Variants in E4F1 observed in about 807,000 individuals in gnomAD.
The protein encoded by E4F1 is transcription factor E4F1.
A neutral mutation model predicts 72.9 loss-of-function variants in E4F1; 30 were observed. That is an observed-to-expected ratio of 0.41 (90% confidence interval 0.31 to 0.56). The LOEUF (loss-of-function observed/expected upper bound fraction) is 0.56. Ranked by LOEUF, E4F1 falls within the 20% of genes least tolerant of loss-of-function variation. The pLI, the probability that E4F1 is intolerant of heterozygous loss-of-function variation, is 0.25. For missense variants in E4F1, 1,091 were observed against 1,117.5 expected, an observed-to-expected ratio of 0.98 and a Z score of 0.34; for synonymous variants, 542 against 478.2, an observed-to-expected ratio of 1.13 and a Z score of -1.74.
In E4F1 at chr16:2,223,721, C is replaced by G; in HGVS notation, c.108C>G (p.Ala36=). Residue 36 remains alanine, a synonymous_variant, in exon 1 of 14, where the codon GCC becomes GCG. Transcript: ENST00000301727. ...GEGAVAAVAA[A]LAPSGFLGLP... ...GTGCAGTTGCGGCGGTGGCGGCGGC[C>G]TTGGCCCCCAGCGGCTTCCTCGGCC... 1 of 1,552,654 alleles carries G rather than the reference C, an allele frequency of 6.4e-7. No homozygotes were observed. Among genetic ancestry groups the G allele is most frequent in the Non-Finnish European group, 8.6e-7 (1 of 1,160,366 alleles).
chr16:2,233,364 G>T, intron 7 of E4F1, 74 bp from the exon 8 acceptor site: 1 of 1,438,660 alleles, frequency 7.0e-7, no homozygotes, highest in Non-Finnish European at 9.2e-7. Context: ...GGCTCCTGGC[G>T]TGCGTCTGCC....
chr16:2,225,871 G>A (rs1004610908), intron 1 of E4F1, among the ~76,000 whole-genome samples: 3 of 151,776 alleles, frequency 2.0e-5, no homozygotes, highest in Admixed American at 1.3e-4. Flanking sequence ...TGAGACGGGC[G>A]GATCCCGAGG....
chr16:2,223,974 TC>T, intron 1 of E4F1: 1 of 1,505,260 alleles, frequency 6.6e-7, no homozygotes, highest in East Asian at 2.6e-5. Context: ...GCGCCTGTCA[TC>T]CCCCCTCTCT....
chr16:2,235,134 CCAGA>C lies in E4F1; in HGVS notation c.1994_1997del (p.Thr665ArgfsTer7). The C allele has an allele frequency of 6.2e-7, 1 of 1,612,234 alleles. No homozygotes were observed. Among genetic ancestry groups the C allele is most frequent in the Non-Finnish European group, 8.5e-7 (1 of 1,179,892 alleles). On this transcript the variant is annotated frameshift_variant, in exon 13 of 14. Coordinates refer to ENST00000301727, the MANE Select transcript of E4F1 (RefSeq NM_004424.5). LOFTEE classifies it high-confidence loss of function. ...AGGCCACGGAGATCATCGAGGGCAC[CCAGA>C]CAGAGGTGAGGGGTAGGGCAGGCGG... is the stretch of plus-strand genomic sequence containing the variant.
chr16:2,234,475 C>T, intron 10 of E4F1, 87 bp downstream of exon 10: 1 of 1,571,956 alleles, frequency 6.4e-7, no homozygotes. Flanking sequence ...TCCCTGCCTC[C>T]ACCATGCTCA....
In E4F1 at chr16:2,235,443, G is replaced by T; in HGVS notation, c.2226G>T (p.Gly742=). 1 of 1,612,642 alleles carries T rather than the reference G, an allele frequency of 6.2e-7. No individual in the cohort carries two copies. Among genetic ancestry groups the T allele is most frequent in the Non-Finnish European group, 8.5e-7 (1 of 1,179,914 alleles). Residue 742 remains glycine (G), a synonymous_variant, in exon 14 of 14, where the codon GGG becomes GGT. Coordinates refer to ENST00000301727, the MANE Select transcript of E4F1 (RefSeq NM_004424.5). The part of the protein sequence containing the change: ...SEGTVLAARA[G]TSGTEQATVT... ...GCACTGTGCTTGCCGCCCGGGCAGG[G>T]ACAAGTGGCACTGAACAGGCCACTG...
chr16:2,234,439 CTGGCCG>C (rs771977166), intron 10 of E4F1, 51 bp downstream of exon 10: 1 of 1,602,716 alleles, frequency 6.2e-7, no homozygotes, highest in African/African-American at 1.3e-5. Flanking sequence ...ATCCTGCTCC[CTGGCCG>C]TGGCCCAGGT....
At chr16:2,225,140 G>A (rs1234242332) in intron 1 of E4F1, among the ~76,000 whole-genome samples, 4 of 152,050 alleles carry the variant, frequency 2.6e-5, no homozygotes, top group Non-Finnish European at 4.4e-5. Context: ...TTGAGCCCAG[G>A]AGACGGAGGT....
chr16:2,226,189 C>T (rs776896563), intron 1 of E4F1, among the ~76,000 whole-genome samples: 19 of 152,202 alleles, frequency 1.2e-4, no homozygotes, highest in Admixed American at 3.9e-4. Flanking sequence ...CCATAGGATT[C>T]ATAGTCTCTG....
At chr16:2,224,649 C>T (rs1469936853) in intron 1 of E4F1, among the ~76,000 whole-genome samples, 1 of 151,726 alleles carries the variant, frequency 6.6e-6, no homozygotes, top group Non-Finnish European at 1.5e-5. Context: ...ACAAAATTAG[C>T]CGGGCGTGGT....
At position 2,234,167 on chromosome 16, in the gene E4F1, G is replaced by A. The variant is rs762673876; in HGVS notation, c.1376-4G>A. Reference sequence around the variant, plus strand: ...GCTTGGCCTGATGCTGTGTGTGGCTGCAGGGCCGAGGCCGTTCGCCTGCGC... The same window carrying A: ...GCTTGGCCTGATGCTGTGTGTGGCTACAGGGCCGAGGCCGTTCGCCTGCGC... On this transcript the variant is annotated splice_region_variant and splice_polypyrimidine_tract_variant and intron_variant, in intron 9 of 13. Coordinates refer to ENST00000301727, the MANE Select transcript of E4F1 (RefSeq NM_004424.5). 4.3e-6 allele frequency: 7 copies of A among 1,610,682 alleles called. No individual in the cohort carries two copies. In the Admixed American group the frequency reaches 5.0e-5, roughly 12 times the overall value.
chr16:2,233,336 G>T, intron 7 of E4F1, 102 bp from the exon 8 acceptor site: 1 of 1,423,928 alleles, frequency 7.0e-7, no homozygotes, highest in Non-Finnish European at 9.3e-7. Context: ...CGCCATGGGG[G>T]TCTGAGGGTT....
chr16:2,232,343 G>A lies in E4F1; in HGVS notation c.588G>A (p.Leu196=), dbSNP rs2093472429. 6 of 1,605,180 alleles carry A rather than the reference G, an allele frequency of 3.7e-6. No homozygotes were observed. The highest frequency in any genetic ancestry group is 5.1e-6 in the Non-Finnish European group (6 of 1,174,880). Residue 196 remains leucine, a synonymous_variant, in exon 4 of 14, where the codon CTG becomes CTA. Coordinates refer to ENST00000301727, the MANE Select transcript of E4F1 (RefSeq NM_004424.5). ...VNKDGRYVCA[L]CHKTFKTGSI... Reference sequence around the variant, plus strand: ...AGGATGGCCGCTATGTGTGTGCGCTGTGCCACAAGACCTTCAAGACGGTGA... The same window carrying A: ...AGGATGGCCGCTATGTGTGTGCGCTATGCCACAAGACCTTCAAGACGGTGA...
intron 5 of E4F1, 49 bp downstream of exon 5, chr16:2,232,625 G>A: frequency 6.2e-7 from 1 of 1,605,144 alleles, no homozygotes; most frequent in Non-Finnish European, 8.5e-7. Context: ...CCCGATGGTT[G>A]GCCCTGGGGT....
At chr16:2,234,804 G>A (rs961736662) in intron 11 of E4F1, 23 bp downstream of exon 11, 2 of 1,542,694 alleles carry the variant, frequency 1.3e-6, no homozygotes, top group South Asian at 1.2e-5. Flanking sequence ...GGAGGTGGGA[G>A]GGGGAGGGGA....
intron 1 of E4F1, among the ~76,000 whole-genome samples, chr16:2,227,147 C>T (rs1160493380): frequency 6.6e-6 from 1 of 151,990 alleles, no homozygotes; most frequent in East Asian, 1.9e-4. Flanking sequence ...TCAATCAATC[C>T]TCCTGAATAG....
chr16:2,231,817 G>T, intron 3 of E4F1: 1 of 265,888 alleles, frequency 3.8e-6, no homozygotes, highest in South Asian at 4.7e-5. Flanking sequence ...CAGCGAGCAG[G>T]ACAGGCGGCT....
At chr16:2,227,266 A>G (rs890440188) in intron 1 of E4F1, among the ~76,000 whole-genome samples, 3 of 151,928 alleles carry the variant, frequency 2.0e-5, no homozygotes, top group South Asian at 2.1e-4. Flanking sequence ...CTGGAGTGCA[A>G]TGGGGAGATC....
In E4F1 at chr16:2,228,192, G is replaced by C. The variant is rs971956136; in HGVS notation, c.158-180G>C. The C allele has an allele frequency of 1.1e-5, 9 of 788,072 alleles. No individual in the cohort carries two copies. In the African/African-American group the frequency reaches 1.4e-4, roughly 12 times the overall value. 48.8% of individuals were successfully genotyped at this position (788,072 alleles called of 1,614,324 possible). On this transcript the variant is annotated intron_variant, in intron 1 of 13. Transcript: ENST00000301727. ...CCCTGCAGACCTGCAGAGGATAGGG[G>C]CTGTACCTTGGGATGACCTTGTTTT...
Sources: gnomAD v4.1 joint callset for allele counts (sites outside exome capture counted in the v4.1 genomes callset) on GRCh38, gnomAD v4.1.1 for gene constraint, MANE v1.5 for transcripts, NCBI Gene and HGNC (gene_info 2026-07-23, HGNC 2026-07-21) for gene names.